TSC22D1: variants seen among roughly 807,000 people sequenced by gnomAD.
TSC22D1 encodes TSC22 domain family member 1.
A neutral mutation model predicts 74.2 loss-of-function variants in TSC22D1; 9 were observed. That is an observed-to-expected ratio of 0.12 (90% CI 0.07 to 0.21). The LOEUF (loss-of-function observed/expected upper bound fraction) is 0.21. TSC22D1 is among the 10% of genes least tolerant of loss of function. TSC22D1 has a pLI of 1.00. For missense variants in TSC22D1, 1,427 were observed against 1,304.7 expected, an observed-to-expected ratio of 1.09 and a Z score of -1.44; for synonymous variants, 586 against 492.5, an observed-to-expected ratio of 1.19 and a Z score of -2.51.
At chr13:44,472,337 A>G (rs1227205857) in intron 1 of TSC22D1, among the ~76,000 whole-genome samples, 3 of 152,152 alleles carry the variant, frequency 2.0e-5, no homozygotes, top group African/African-American at 4.8e-5. Flanking sequence ...AATACTGGTC[A>G]TCTCTTTTGT....
intron 1 of TSC22D1, among the ~76,000 whole-genome samples, chr13:44,453,293 A>ACTT (rs55712945): frequency 0.97 from 147,166 of 152,180 alleles, 71,262 homozygotes; most frequent in Non-Finnish European, 1. Flanking sequence ...GCTTAATATA[A>ACTT]CTTTTTTGCA....
chr13:44,510,751 C>T (rs1879678112), intron 1 of TSC22D1, among the ~76,000 whole-genome samples: 1 of 152,080 alleles, frequency 6.6e-6, no homozygotes, highest in Non-Finnish European at 1.5e-5. Flanking sequence ...CACCACCACA[C>T]CCAGCTAATT....
At chr13:44,488,145 G>A (rs982169977) in intron 1 of TSC22D1, among the ~76,000 whole-genome samples, 1 of 152,158 alleles carries the variant, frequency 6.6e-6, no homozygotes, top group Non-Finnish European at 1.5e-5. Flanking sequence ...TCAAATGTCA[G>A]AAGTATTTGT....
Position 44,524,762 on chromosome 13 carries a change from C to A in TSC22D1, c.2912+48401G>T, listed in dbSNP as rs867465702. ...CCATGTTGGCTAGGCTGGTCTCAAA[C>A]CCCTGACTTCAAGTAATCCATCTGC... On this transcript the variant is annotated intron_variant, in intron 1 of 2. Transcript: ENST00000458659. 3.9e-5 allele frequency among the ~76,000 whole-genome samples: 6 copies of A among 152,312 alleles called. No homozygotes were observed. In the South Asian group the frequency reaches 1.2e-3, roughly 32 times the overall value.
chr13:44,501,123 T>C (rs1879204080), intron 1 of TSC22D1, among the ~76,000 whole-genome samples: 1 of 152,112 alleles, frequency 6.6e-6, no homozygotes, highest in African/African-American at 2.4e-5. Context: ...AAAAGAATAG[T>C]GATTTGGGAC....
intron 1 of TSC22D1, among the ~76,000 whole-genome samples, chr13:44,488,105 A>G (rs1878529946): frequency 6.6e-6 from 1 of 152,208 alleles, no homozygotes; most frequent in Admixed American, 6.5e-5. Context: ...GATATCTACC[A>G]AAATCTACAG....
chr13:44,508,467 A>T (rs547388983), intron 1 of TSC22D1, among the ~76,000 whole-genome samples: 25 of 152,218 alleles, frequency 1.6e-4, no homozygotes, highest in Admixed American at 2.6e-4. Flanking sequence ...TTGTTTTTTT[A>T]AAAAAAGGAA....
intron 1 of TSC22D1, chr13:44,537,902 G>A (rs1464425280): frequency 2.0e-6 from 2 of 985,002 alleles, no homozygotes; most frequent in Non-Finnish European, 1.2e-6. Flanking sequence ...AATAACTCTA[G>A]AATGTCTATT....
At chr13:44,444,980 A>G (rs1875519213) in intron 1 of TSC22D1, among the ~76,000 whole-genome samples, 1 of 152,150 alleles carries the variant, frequency 6.6e-6, no homozygotes, top group Admixed American at 6.5e-5. Context: ...AATTCCACTA[A>G]ATATTTAAAG....
intron 1 of TSC22D1, among the ~76,000 whole-genome samples, chr13:44,493,450 T>G (rs1326036015): frequency 6.6e-6 from 1 of 152,164 alleles, no homozygotes; most frequent in African/African-American, 2.4e-5. Context: ...TTGAAAACAT[T>G]GAAAGGCAAA....
chr13:44,527,032 T>C (rs1217177588), intron 1 of TSC22D1, among the ~76,000 whole-genome samples: 1 of 152,062 alleles, frequency 6.6e-6, no homozygotes, highest in East Asian at 1.9e-4. Flanking sequence ...AGCAAGAAGA[T>C]TGAAGTTAAA....
At chr13:44,566,483 T>G (rs1192133185) in intron 1 of TSC22D1, among the ~76,000 whole-genome samples, 1 of 152,224 alleles carries the variant, frequency 6.6e-6, no homozygotes, top group Non-Finnish European at 1.5e-5. Flanking sequence ...TATTCTTATT[T>G]CTAACAAATA....
intron 1 of TSC22D1, among the ~76,000 whole-genome samples, chr13:44,508,330 G>A (rs542604520): frequency 3.9e-5 from 6 of 152,194 alleles, no homozygotes; most frequent in Admixed American, 1.3e-4. Context: ...GGGTTGGTGA[G>A]CTTGGTTAAA....
At chr13:44,459,205 T>C (rs1876855415) in intron 1 of TSC22D1, among the ~76,000 whole-genome samples, 1 of 152,180 alleles carries the variant, frequency 6.6e-6, no homozygotes, top group African/African-American at 2.4e-5. Context: ...ATGTGGGGAC[T>C]ACCGGTTGCA....
At chr13:44,499,728 G>A (rs1395242507) in intron 1 of TSC22D1, among the ~76,000 whole-genome samples, 1 of 152,080 alleles carries the variant, frequency 6.6e-6, no homozygotes, top group Non-Finnish European at 1.5e-5. Flanking sequence ...TAATTCATTT[G>A]TTTTATATTT....
At chr13:44,576,526 C>T, upstream of TSC22D1, 1 of 155,874 alleles carries the variant, frequency 6.4e-6, no homozygotes, top group Non-Finnish European at 1.4e-5. Flanking sequence ...TGCACGGAGG[C>T]AGCGCCAAGC....
chr13:44,468,385 T>TA lies in TSC22D1; in HGVS notation c.2913-32291dup, dbSNP rs962903126. Among the ~76,000 whole-genome samples the TA allele has an allele frequency of 1.6e-4, 24 of 150,014 alleles. 2 individuals carry two copies. Among genetic ancestry groups the TA allele is most frequent in the East Asian group, 1.9e-4 (1 of 5,198 alleles). On this transcript the variant is annotated intron_variant, in intron 1 of 2. Transcript: ENST00000458659. ...CCCTAAAGCTATTGAATTTTTTTTT[T>TA]AAAAAAGCTGCTACCATTTATTCAG...
chr13:44,436,859 C>G, intron 1 of TSC22D1: 3 of 1,261,894 alleles, frequency 2.4e-6, no homozygotes, highest in Non-Finnish European at 2.0e-6. Context: ...AGCTCTAGAC[C>G]AGGACTCCCA....
intron 1 of TSC22D1, among the ~76,000 whole-genome samples, chr13:44,489,122 G>A (rs1318118371): frequency 6.7e-6 from 1 of 149,750 alleles, no homozygotes; most frequent in African/African-American, 2.5e-5. Context: ...CAAAAAAAGA[G>A]AAAGTCTTTT....
Sources: allele counts gnomAD v4.1 joint callset (sites outside exome capture counted in the v4.1 genomes callset), GRCh38; gene constraint gnomAD v4.1.1; transcripts MANE v1.5; gene names NCBI Gene and HGNC (gene_info 2026-07-23, HGNC 2026-07-21).